The following ARMC9 variants were observed in gnomAD, a reference collection of about 807,000 sequenced individuals.
ARMC9 encodes the protein lisH domain-containing protein ARMC9.
Under a neutral mutation model 107.0 loss-of-function variants are expected in ARMC9, and 94 were observed. That is an observed-to-expected ratio of 0.88 (90% CI 0.74 to 1.04). The LOEUF is 1.04. Among genes scored for constraint, ARMC9 ranks in the 50% least tolerant of loss-of-function variants. The pLI, the probability that ARMC9 is intolerant of heterozygous loss-of-function variation, is 0.00. For synonymous variants in ARMC9, 380 were observed against 396.9 expected (o/e 0.96, Z 0.51); for missense variants, 942 against 1,030.1 (o/e 0.91, Z 1.17).
chr2:231,263,939 A>G (rs1027427857), intron 12 of ARMC9, among the ~76,000 whole-genome samples: 4 of 152,178 alleles, frequency 2.6e-5, no homozygotes, highest in African/African-American at 9.7e-5. Context: ...TCGAAGATAC[A>G]CTTTTTCCCC....
In ARMC9 at chr2:231,319,938, C is replaced by G. The variant is rs550372096; in HGVS notation, c.1774-11855C>G. Reference sequence around the variant, plus strand: ...CCCTCCTTCTCTCCCCAGAATTAACCACTATCTTGAAGTTGGTGTATTAAT... The same window carrying G: ...CCCTCCTTCTCTCCCCAGAATTAACGACTATCTTGAAGTTGGTGTATTAAT... On this transcript the variant is annotated intron_variant, in intron 19 of 24. Coordinates refer to ENST00000611582, the MANE Select transcript of ARMC9 (RefSeq NM_001352754.2). Among the ~76,000 whole-genome samples, 5 of 152,262 alleles carry G rather than the reference C, an allele frequency of 3.3e-5. No individual in the cohort carries two copies. The East Asian group carries it at 9.6e-4, about 29-fold the overall frequency.
intron 3 of ARMC9, among the ~76,000 whole-genome samples, chr2:231,213,121 A>T (rs1219699191): frequency 6.6e-6 from 1 of 152,150 alleles, no homozygotes; most frequent in Non-Finnish European, 1.5e-5. Flanking sequence ...AGTAATTTTT[A>T]AAAATGACAA....
chr2:231,345,046 G>A lies in ARMC9; in HGVS notation c.1950G>A (p.Leu650=), dbSNP rs371676530. The part of the protein sequence containing the change: ...ANVQWSGDEP[L]QRPVTPGGHR... ...TGCAGTGGAGCGGGGATGAGCCCCTGCAAAGGCCCGTCACCCCCGGCGGCC... is the reference window on the plus strand; with the variant it reads ...TGCAGTGGAGCGGGGATGAGCCCCTACAAAGGCCCGTCACCCCCGGCGGCC... Residue 650 remains leucine, a synonymous_variant, in exon 21 of 25, where the codon CTG becomes CTA. Transcript: ENST00000611582. 6.8e-6 allele frequency: 11 copies of A among 1,613,816 alleles called. No homozygotes were observed. Among genetic ancestry groups the A allele is most frequent in the African/African-American group, 1.3e-5 (1 of 74,894 alleles).
intron 12 of ARMC9, among the ~76,000 whole-genome samples, chr2:231,263,589 C>T (rs1027374640): frequency 2.6e-5 from 4 of 152,172 alleles, no homozygotes; most frequent in Admixed American, 6.5e-5. Context: ...AATTAAATGT[C>T]GATATGAGTT....
At chr2:231,210,008 T>C (rs1268473759) in intron 3 of ARMC9, among the ~76,000 whole-genome samples, 1 of 152,222 alleles carries the variant, frequency 6.6e-6, no homozygotes, top group Non-Finnish European at 1.5e-5. Context: ...GATTTTTAAA[T>C]TTTAACATAC....
rs1196870044 is a variant in ARMC9, at chr2:231,271,081, T to C, written c.1210+9T>C. The C allele has an allele frequency of 6.2e-7, 1 of 1,613,580 alleles. No homozygotes were observed. The highest frequency in any genetic ancestry group is 8.5e-7 in the Non-Finnish European group (1 of 1,179,748). ...TGCGTCACTGGCAGAAGGTGAGACATCAGCTTTGCTTCAAAGATAAGAGCT... is the reference window on the plus strand; with the variant it reads ...TGCGTCACTGGCAGAAGGTGAGACACCAGCTTTGCTTCAAAGATAAGAGCT... On this transcript the variant is annotated intron_variant, in intron 13 of 24. Transcript: ENST00000611582.
intron 15 of ARMC9, among the ~76,000 whole-genome samples, chr2:231,277,816 CCCT>C (rs1442366101): frequency 6.6e-6 from 1 of 152,084 alleles, no homozygotes; most frequent in Non-Finnish European, 1.5e-5. Flanking sequence ...ACCCACTTCG[CCCT>C]CCCAAAGTGC....
In ARMC9 at chr2:231,360,936, G is replaced by C. The variant is rs1186183051; in HGVS notation, c.2261+53G>C. On this transcript the variant is annotated intron_variant, in intron 23 of 24. Transcript: ENST00000611582. The surrounding 1 kb of genome is among the most constrained non-coding windows in gnomAD (Gnocchi z 4.7). ...CCTGACTCTCGGAGCTCTGGGAGTG[G>C]GCGCCCCACGCCGGATGCAGAGCAC... is the stretch of plus-strand genomic sequence containing the variant. 2.5e-5 allele frequency: 36 copies of C among 1,466,294 alleles called. No homozygotes were observed. The highest frequency in any genetic ancestry group is 3.2e-5 in the Non-Finnish European group (36 of 1,114,996). The allele number at this position is 1,466,294 out of a possible 1,614,324, so 90.8% of individuals were successfully genotyped here. A position where few individuals can be genotyped will look rare whatever the true frequency, so the allele number is the denominator to read the frequency against.
intron 23 of ARMC9, among the ~76,000 whole-genome samples, chr2:231,361,504 GA>G (rs1305584229): frequency 1.0e-3 from 144 of 137,742 alleles, no homozygotes; most frequent in African/African-American, 3.1e-3. Context: ...CCGAGCAGAA[GA>G]AAAAAAAAAA....
chr2:231,300,620 T>C (rs375888912), intron 19 of ARMC9, among the ~76,000 whole-genome samples: 88 of 152,248 alleles, frequency 5.8e-4, no homozygotes, highest in African/African-American at 1.9e-3. Context: ...AGAGAGAAAA[T>C]AGGTCACTTG....
At position 231,345,816 on chromosome 2, in the gene ARMC9, T is replaced by C. The variant is rs373094213; in HGVS notation, c.1994+726T>C. 1.1e-4 allele frequency among the ~76,000 whole-genome samples: 17 copies of C among 152,344 alleles called. No individual in the cohort carries two copies. In the South Asian group the frequency reaches 2.9e-3, roughly 26 times the overall value. ...AATGGCCGTGTAATTTTTAAAAGAA[T>C]ATACCGTGTTTTACTTAGTTATCCC... On this transcript the variant is annotated intron_variant, in intron 21 of 24. Coordinates refer to ENST00000611582, the MANE Select transcript of ARMC9 (RefSeq NM_001352754.2).
chr2:231,261,675 G>C (rs1276967513), intron 11 of ARMC9, among the ~76,000 whole-genome samples: 2 of 152,122 alleles, frequency 1.3e-5, no homozygotes, highest in Non-Finnish European at 2.9e-5. Flanking sequence ...ACCAGCTCCT[G>C]AGCCCCTTTA....
chr2:231,360,774 G>C lies in ARMC9; in HGVS notation c.2152G>C (p.Gly718Arg). Residue 718 changes from glycine to arginine, a missense_variant, in exon 23 of 25, where the codon GGA becomes CGA. By Grantham distance (125) the Gly-to-Arg change is moderately radical (BLOSUM62 -2). Coordinates refer to ENST00000611582, the MANE Select transcript of ARMC9 (RefSeq NM_001352754.2). This position sits in a 1 kb window ranked among gnomAD's most constrained non-coding sequence, Gnocchi z 4.7. ...SSSSAIIAKP[G>R]EWLPRGRQEE... ...CCCAGCAGCCATCATCGCCAAGCCA[G>C]GAGAGTGGCTCCCAAGAGGACGCCA... 2 of 1,536,186 alleles carry C rather than the reference G, an allele frequency of 1.3e-6. No individual in the cohort carries two copies. Among genetic ancestry groups the C allele is most frequent in the Non-Finnish European group, 1.7e-6 (2 of 1,146,914 alleles).
chr2:231,321,355 G>C (rs2042986766), intron 19 of ARMC9, among the ~76,000 whole-genome samples: 1 of 152,156 alleles, frequency 6.6e-6, no homozygotes, highest in Admixed American at 6.5e-5. Context: ...GAGAAGTAGA[G>C]CACCCTCAGT....
intron 19 of ARMC9, among the ~76,000 whole-genome samples, chr2:231,312,372 C>T (rs2125515736): frequency 6.6e-6 from 1 of 152,286 alleles, no homozygotes; most frequent in African/African-American, 2.4e-5. Flanking sequence ...TCATTTCTGC[C>T]AAATTCTACT....
At chr2:231,339,868 G>T (rs2044390198) in intron 20 of ARMC9, among the ~76,000 whole-genome samples, 1 of 152,242 alleles carries the variant, frequency 6.6e-6, no homozygotes, top group Non-Finnish European at 1.5e-5. Context: ...AGGAGGCAGA[G>T]GTTGCAGCGG....
intron 20 of ARMC9, among the ~76,000 whole-genome samples, chr2:231,341,699 A>G (rs2044526690): frequency 6.6e-6 from 1 of 151,300 alleles, no homozygotes; most frequent in Admixed American, 6.6e-5. Context: ...ATTTTTTTAC[A>G]GAAATTCATA....
At chr2:231,275,183 A>G (rs1241417345) in intron 14 of ARMC9, among the ~76,000 whole-genome samples, 1 of 152,208 alleles carries the variant, frequency 6.6e-6, no homozygotes, top group Non-Finnish European at 1.5e-5. Context: ...GCTAGTTACC[A>G]AGAGAGCGCA....
intron 1 of ARMC9, among the ~76,000 whole-genome samples, chr2:231,200,269 C>G (rs1323730222): frequency 6.6e-6 from 1 of 152,292 alleles, no homozygotes; most frequent in Non-Finnish European, 1.5e-5. Context: ...AAATGACATC[C>G]CCTCAGCTCC....
Sources: gnomAD v4.1 joint callset for allele counts (sites outside exome capture counted in the v4.1 genomes callset) on GRCh38, gnomAD v4.1.1 for gene constraint, Gnocchi (gnomAD v3.1) non-coding constraint, MANE v1.5 for transcripts, NCBI Gene and HGNC (gene_info 2026-07-23, HGNC 2026-07-21) for gene names.